The following DOCK5 variants were observed in gnomAD, a reference collection of about 807,000 sequenced individuals.
DOCK5 encodes dedicator of cytokinesis protein 5.
In DOCK5, 142 loss-of-function variants were observed where a neutral mutation model predicts 251.8. The observed-to-expected ratio is 0.56, with a 90% CI of 0.49 to 0.65. The LOEUF (loss-of-function observed/expected upper bound fraction) is 0.65. DOCK5 is among the 30% of genes least tolerant of loss of function. The pLI is 0.00. For synonymous variants in DOCK5, 842 were observed against 835.5 expected (o/e 1.01, Z -0.13); for missense variants, 2,111 against 2,312.3 (o/e 0.91, Z 1.79).
intron 14 of DOCK5, 99 bp downstream of exon 14, chr8:25,317,230 G>T: frequency 6.6e-7 from 1 of 1,517,250 alleles, no homozygotes; most frequent in Non-Finnish European, 8.9e-7. Flanking sequence ...CATCAGGATG[G>T]GTTTGATTTT....
Position 25,411,481 on chromosome 8 carries a change from C to T in DOCK5, c.*183C>T. 1 of 810,426 alleles carries T rather than the reference C, an allele frequency of 1.2e-6. No individual in the cohort carries two copies. Among genetic ancestry groups the T allele is most frequent in the Non-Finnish European group, 1.7e-6 (1 of 588,202 alleles). The allele number at this position is 810,426 out of a possible 1,614,324, so 50.2% of individuals were successfully genotyped here. A position where few individuals can be genotyped will look rare whatever the true frequency, so the allele number is the denominator to read the frequency against. ...GCTTCTCTTTGATAGAATTTTGAGG[C>T]CATGCCACCTCCCTTCCAGTCCACA... On this transcript the variant is annotated 3_prime_UTR_variant, in exon 52 of 52. Coordinates refer to ENST00000276440, the MANE Select transcript of DOCK5 (RefSeq NM_024940.8).
intron 40 of DOCK5, among the ~76,000 whole-genome samples, chr8:25,386,954 C>T (rs1801176136): frequency 6.6e-6 from 1 of 152,158 alleles, no homozygotes; most frequent in South Asian, 2.1e-4. Context: ...TATAGGAGTG[C>T]TTTATAAACT....
intron 26 of DOCK5, among the ~76,000 whole-genome samples, chr8:25,346,272 C>G (rs918685710): frequency 6.6e-6 from 1 of 151,234 alleles, no homozygotes; most frequent in African/African-American, 2.4e-5. Context: ...GACTGACCAG[C>G]CTGGGCAACT....
chr8:25,375,034 A>G (rs1046944346), intron 37 of DOCK5: 3 of 1,050,874 alleles, frequency 2.9e-6, no homozygotes, highest in Admixed American at 9.7e-5. Flanking sequence ...CTCTCCCTAA[A>G]TAAATGTATG....
chr8:25,261,449 A>G (rs1803579791), intron 2 of DOCK5, among the ~76,000 whole-genome samples: 1 of 152,216 alleles, frequency 6.6e-6, no homozygotes, highest in African/African-American at 2.4e-5. Context: ...ATGGAGAAAT[A>G]GTTCTGTGCT....
At chr8:25,396,802 C>T (rs931876375) in intron 45 of DOCK5, among the ~76,000 whole-genome samples, 22 of 126,642 alleles carry the variant, frequency 1.7e-4, no homozygotes, top group African/African-American at 6.4e-4. Flanking sequence ...GTGTGTGTCC[C>T]GGGAAGAGCA....
intron 5 of DOCK5, 57 bp downstream of exon 5, chr8:25,278,722 G>T: frequency 2.0e-6 from 3 of 1,529,772 alleles, no homozygotes; most frequent in South Asian, 2.3e-5. Flanking sequence ...TCAGCCTGTA[G>T]GTCCTTTGCA....
chr8:25,375,056 A>C, intron 37 of DOCK5: 1 of 934,474 alleles, frequency 1.1e-6, no homozygotes, highest in Non-Finnish European at 1.4e-6. Flanking sequence ...TGTGGTTTAG[A>C]TATAAATACA....
At position 25,390,304 on chromosome 8, in the gene DOCK5, T is replaced by TAA; in HGVS notation, c.4355+17_4355+18insAA. 1 of 1,513,440 alleles carries TAA rather than the reference T, an allele frequency of 6.6e-7. No individual in the cohort carries two copies. The highest frequency in any genetic ancestry group is 1.5e-5 in the African/African-American group (1 of 64,548). 93.8% of individuals were successfully genotyped at this position (1,513,440 alleles called of 1,614,324 possible). On this transcript the variant is annotated intron_variant, in intron 42 of 51. Transcript: ENST00000276440. ...GATCTTAAAGTAAGTGGTTTTTCATTTAAAAAAAAAAAAAATCTGTGTCTA... is the reference window on the plus strand; with the variant it reads ...GATCTTAAAGTAAGTGGTTTTTCATTAATAAAAAAAAAAAAAATCTGTGTCTA...
At chr8:25,341,863 G>A in intron 24 of DOCK5, 54 bp downstream of exon 24, 1 of 1,434,762 alleles carries the variant, frequency 7.0e-7, no homozygotes. Context: ...CAGCTCCCCT[G>A]CTTGGCTGGA....
At chr8:25,249,517 T>A (rs1803209911) in intron 2 of DOCK5, among the ~76,000 whole-genome samples, 1 of 152,156 alleles carries the variant, frequency 6.6e-6, no homozygotes, top group Non-Finnish European at 1.5e-5. Flanking sequence ...CTAGGCAGCT[T>A]CAAATTCATT....
At chr8:25,323,075 A>G (rs1414807224) in intron 16 of DOCK5, among the ~76,000 whole-genome samples, 1 of 152,192 alleles carries the variant, frequency 6.6e-6, no homozygotes, top group Non-Finnish European at 1.5e-5. Context: ...TGATAAAAAC[A>G]GGCCACAGGT....
chr8:25,241,058 T>C (rs935466541), intron 1 of DOCK5, among the ~76,000 whole-genome samples: 2 of 152,198 alleles, frequency 1.3e-5, no homozygotes, highest in African/African-American at 4.8e-5. Flanking sequence ...TGCGATTGCA[T>C]TTAAGGCCAC....
chr8:25,394,555 T>G (rs976040253), intron 44 of DOCK5, among the ~76,000 whole-genome samples: 7 of 36,810 alleles, frequency 1.9e-4, no homozygotes, highest in African/African-American at 3.3e-4. Context: ...ACTTACCTCT[T>G]TTCATGGAGG....
chr8:25,221,724 G>A (rs1160092436), intron 1 of DOCK5, among the ~76,000 whole-genome samples: 1 of 152,198 alleles, frequency 6.6e-6, no homozygotes, highest in African/African-American at 2.4e-5. Flanking sequence ...ATGCTGAGCA[G>A]TTTTCGTTCT....
intron 2 of DOCK5, among the ~76,000 whole-genome samples, chr8:25,244,507 T>A (rs1281179728): frequency 6.6e-6 from 1 of 152,224 alleles, no homozygotes; most frequent in East Asian, 1.9e-4. Flanking sequence ...GAACTATGTT[T>A]AGGGTCCAGT....
At chr8:25,233,733 G>C (rs553070748) in intron 1 of DOCK5, among the ~76,000 whole-genome samples, 1 of 152,064 alleles carries the variant, frequency 6.6e-6, no homozygotes, top group African/African-American at 2.4e-5. Context: ...TAAAATTCTA[G>C]ATATTTTTTA....
chr8:25,268,511 A>G (rs1803823043), intron 2 of DOCK5, among the ~76,000 whole-genome samples: 1 of 152,218 alleles, frequency 6.6e-6, no homozygotes, highest in Admixed American at 6.5e-5. Context: ...AAAAACATTT[A>G]TTAAATGACT....
Position 25,366,890 on chromosome 8 carries a change from T to C in DOCK5, c.3144T>C (p.His1048=). 6.2e-7 allele frequency: 1 copy of C among 1,613,878 alleles called. No homozygotes were observed. The change falls in exon 31 of 52, where the codon CAT becomes CAC. Residue 1048 remains histidine, a synonymous_variant. Coordinates refer to ENST00000276440, the MANE Select transcript of DOCK5 (RefSeq NM_024940.8). ...FELQLWNNYF[H]LAVAFLTHES... ...AACAGCTCTGGAACAATTACTTCCA[T>C]TTGGCAGTTGCATTTCTCACCCATG...
Sources: allele counts gnomAD v4.1 joint callset (sites outside exome capture counted in the v4.1 genomes callset), GRCh38; gene constraint gnomAD v4.1.1; transcripts MANE v1.5; gene names NCBI Gene and HGNC (gene_info 2026-07-23, HGNC 2026-07-21).